ZBTB7C: variants seen among roughly 807,000 people sequenced by gnomAD.
The protein encoded by ZBTB7C is zinc finger and BTB domain-containing protein 7C.
Under a neutral mutation model 25.7 loss-of-function variants are expected in ZBTB7C, and 8 were observed. The observed-to-expected ratio is 0.31, with a 90% CI of 0.18 to 0.56. The LOEUF is 0.56. Ranked by LOEUF, ZBTB7C falls within the 20% of genes least tolerant of loss-of-function variation. The pLI is 0.91. For synonymous variants in ZBTB7C, 394 were observed against 369.0 expected (o/e 1.07, Z -0.78); for missense variants, 824 against 855.2 (o/e 0.96, Z 0.46).
At chr18:48,175,991 C>T (rs2041662792) in intron 3 of ZBTB7C, among the ~76,000 whole-genome samples, 2 of 152,190 alleles carry the variant, frequency 1.3e-5, no homozygotes, top group African/African-American at 2.4e-5. Context: ...ATGGGTGCTA[C>T]ATCTAGGGAG....
chr18:48,044,551 C>G (rs893623923), intron 3 of ZBTB7C, among the ~76,000 whole-genome samples: 7 of 152,238 alleles, frequency 4.6e-5, no homozygotes, highest in African/African-American at 1.7e-4. Flanking sequence ...CCCCTGGAGG[C>G]CTGGATCAGA....
chr18:48,231,735 G>A (rs555799950), intron 2 of ZBTB7C, among the ~76,000 whole-genome samples: 2 of 152,148 alleles, frequency 1.3e-5, no homozygotes, highest in East Asian at 3.9e-4. Context: ...CACCAAAAAG[G>A]AGAGAAGAGA....
intron 1 of ZBTB7C, among the ~76,000 whole-genome samples, chr18:48,366,727 G>C (rs1452190106): frequency 6.6e-6 from 1 of 152,164 alleles, no homozygotes; most frequent in Non-Finnish European, 1.5e-5. Context: ...AAGAAATTAA[G>C]ACTACAAGAA....
intron 2 of ZBTB7C, among the ~76,000 whole-genome samples, chr18:48,311,263 T>C (rs2045812506): frequency 6.6e-6 from 1 of 152,230 alleles, no homozygotes; most frequent in African/African-American, 2.4e-5. Flanking sequence ...GCACATGACT[T>C]GTCTTGCTCA....
intron 1 of ZBTB7C, among the ~76,000 whole-genome samples, chr18:48,359,154 TGCCAAGG>T (rs952915201): frequency 4.6e-5 from 7 of 152,312 alleles, no homozygotes; most frequent in Admixed American, 4.6e-4. Context: ...AGGATAATCC[TGCCAAGG>T]GCCAGATGAC....
intron 4 of ZBTB7C, among the ~76,000 whole-genome samples, chr18:48,038,542 C>T (rs575575360): frequency 1.8e-4 from 27 of 151,066 alleles, no homozygotes; most frequent in African/African-American, 5.6e-4. Context: ...CTTTAGAGGA[C>T]TCATCTTTTT....
intron 3 of ZBTB7C, among the ~76,000 whole-genome samples, chr18:48,141,506 A>T (rs1489207713): frequency 6.6e-6 from 1 of 152,130 alleles, no homozygotes; most frequent in Non-Finnish European, 1.5e-5. Context: ...GGGAAACAGA[A>T]GGACTGGATC....
At chr18:48,066,696 G>T (rs1467906584) in intron 3 of ZBTB7C, among the ~76,000 whole-genome samples, 3 of 152,152 alleles carry the variant, frequency 2.0e-5, no homozygotes, top group Admixed American at 6.5e-5. Flanking sequence ...CCTGAGAAAT[G>T]CTGGGCATGT....
chr18:48,144,916 G>A (rs1407236678), intron 3 of ZBTB7C, among the ~76,000 whole-genome samples: 1 of 152,128 alleles, frequency 6.6e-6, no homozygotes, highest in African/African-American at 2.4e-5. Flanking sequence ...AGGTTGAAAG[G>A]TACTTATTTG....
chr18:48,320,831 C>T (rs2046073804), intron 2 of ZBTB7C, among the ~76,000 whole-genome samples: 1 of 152,194 alleles, frequency 6.6e-6, no homozygotes, highest in African/African-American at 2.4e-5. Flanking sequence ...CCCAACTCCT[C>T]CTACAGCCAG....
chr18:48,157,317 G>A (rs1447243192), intron 3 of ZBTB7C, among the ~76,000 whole-genome samples: 1 of 152,162 alleles, frequency 6.6e-6, no homozygotes, highest in Non-Finnish European at 1.5e-5. Flanking sequence ...AGGTTGCCAT[G>A]GGGAAAGGGG....
chr18:48,322,322 T>A (rs1317750029), intron 2 of ZBTB7C, among the ~76,000 whole-genome samples: 1 of 152,170 alleles, frequency 6.6e-6, no homozygotes, highest in Non-Finnish European at 1.5e-5. Context: ...GACCTCCACC[T>A]ACTCAATGCC....
At chr18:48,137,759 C>T (rs1225846081) in intron 3 of ZBTB7C, among the ~76,000 whole-genome samples, 1 of 152,216 alleles carries the variant, frequency 6.6e-6, no homozygotes, top group African/African-American at 2.4e-5. Context: ...CCCTTCCCCT[C>T]GAACAAACAG....
At chr18:48,223,469 C>T (rs897844135) in intron 2 of ZBTB7C, among the ~76,000 whole-genome samples, 10 of 152,218 alleles carry the variant, frequency 6.6e-5, no homozygotes, top group Non-Finnish European at 1.5e-5. Flanking sequence ...CTGGCCTTCA[C>T]AGAAAGCAGG....
chr18:48,337,362 G>A (rs923527126), intron 2 of ZBTB7C, among the ~76,000 whole-genome samples: 5 of 152,180 alleles, frequency 3.3e-5, no homozygotes, highest in Non-Finnish European at 4.4e-5. Context: ...GACGCACACA[G>A]CAAAGACCAG....
chr18:48,192,741 C>T (rs921365850), intron 2 of ZBTB7C, among the ~76,000 whole-genome samples: 1 of 152,178 alleles, frequency 6.6e-6, no homozygotes, highest in African/African-American at 2.4e-5. Context: ...GGATTATAGG[C>T]GTGAGCCACT....
At chr18:48,048,437 G>A (rs2144224865) in intron 3 of ZBTB7C, among the ~76,000 whole-genome samples, 1 of 152,314 alleles carries the variant, frequency 6.6e-6, no homozygotes, top group African/African-American at 2.4e-5. Flanking sequence ...GGAGTTGACT[G>A]AGGAGGTTGA....
At chr18:48,313,478 C>A (rs1303220266) in intron 2 of ZBTB7C, among the ~76,000 whole-genome samples, 3 of 152,352 alleles carry the variant, frequency 2.0e-5, no homozygotes, top group East Asian at 3.9e-4. Context: ...TGCTCCCCAA[C>A]AGTCCTGAGG....
At chr18:48,370,324 G>C (rs11664137) in intron 1 of ZBTB7C, among the ~76,000 whole-genome samples, 16,579 of 152,158 alleles carry the variant, frequency 0.11, 1,057 homozygotes, top group Non-Finnish European at 0.14. Context: ...AATCTGAAAG[G>C]ATTACATAAG....
Sources: gnomAD v4.1 joint callset for allele counts (sites outside exome capture counted in the v4.1 genomes callset) on GRCh38, gnomAD v4.1.1 for gene constraint, MANE v1.5 for transcripts, NCBI Gene and HGNC (gene_info 2026-07-23, HGNC 2026-07-21) for gene names.